Variants in TSC1 observed in about 807,000 individuals in gnomAD.
TSC1 encodes TSC complex subunit 1.
In TSC1, 20 loss-of-function variants were observed where a neutral mutation model predicts 124.3. The observed-to-expected ratio is 0.16, with a 90% CI of 0.11 to 0.23. The LOEUF (loss-of-function observed/expected upper bound fraction) is 0.23, where lower values mean the gene tolerates loss of function less well. Ranked by LOEUF, TSC1 falls within the 10% of genes least tolerant of loss-of-function variation. TSC1 has a pLI of 1.00. For missense variants in TSC1, 1,124 were observed against 1,448.5 expected (o/e 0.78, Z 3.64); for synonymous variants, 493 against 539.1 (o/e 0.91, Z 1.19).
Position 132,928,916 on chromosome 9 carries a change from C to T in TSC1, c.-44G>A, listed in dbSNP as rs773447503. 33 of 1,612,184 alleles carry T rather than the reference C, an allele frequency of 2.0e-5. No homozygotes were observed. The highest frequency in any genetic ancestry group is 4.4e-5 in the South Asian group (4 of 90,952). ...TGTGCTGGCTCCAGGACGTGTGCTACAGGTTCTGAAGGTTCTTCATTGGGG... is the reference window on the plus strand; with the variant it reads ...TGTGCTGGCTCCAGGACGTGTGCTATAGGTTCTGAAGGTTCTTCATTGGGG... On this transcript the variant is annotated 5_prime_UTR_variant, in exon 3 of 23. Transcript: ENST00000298552.
Position 132,923,625 on chromosome 9 carries a change from T to C in TSC1, c.364-133A>G. 1 of 1,263,090 alleles carries C rather than the reference T, an allele frequency of 7.9e-7. No homozygotes were observed. Among genetic ancestry groups the C allele is most frequent in the Non-Finnish European group, 1.1e-6 (1 of 883,730 alleles). The allele number at this position is 1,263,090 out of a possible 1,614,324, so 78.2% of individuals were successfully genotyped here. A position where few individuals can be genotyped will look rare whatever the true frequency, so the allele number is the denominator to read the frequency against. ...AAGTTGACTCACGTACTCATTTCCC[T>C]ATCCCTAAGGATTACTGAAGGGATA... On this transcript the variant is annotated intron_variant, in intron 5 of 22. Coordinates refer to ENST00000298552, the MANE Select transcript of TSC1 (RefSeq NM_000368.5). The surrounding 1 kb of genome is among the most constrained non-coding windows in gnomAD (Gnocchi z 4.2).
Position 132,900,731 on chromosome 9 carries a change from T to G in TSC1, c.2609A>C (p.His870Pro). Residue 870 changes from histidine (H) to proline (P), a missense_variant, in exon 20 of 23, where the codon CAC becomes CCC. Physicochemically the swap from His to Pro is moderately conservative, Grantham distance 77 (BLOSUM62 -2). Coordinates refer to ENST00000298552, the MANE Select transcript of TSC1 (RefSeq NM_000368.5). ...ELYLEQLQNKHSDTTKEVEMM... is the reference protein window; with the variant it reads ...ELYLEQLQNKPSDTTKEVEMM... ...CTGGCATACCTTTGTGGTATCTGAGTGCTTGTTCTGCAGTTGTTCCAAATA... is the reference window on the plus strand; with the variant it reads ...CTGGCATACCTTTGTGGTATCTGAGGGCTTGTTCTGCAGTTGTTCCAAATA... 1 of 1,614,134 alleles carries G rather than the reference T, an allele frequency of 6.2e-7. No individual in the cohort carries two copies. Among genetic ancestry groups the G allele is most frequent in the South Asian group, 1.1e-5 (1 of 91,080 alleles).
At chr9:132,937,921 G>A (rs756483264) in intron 1 of TSC1, among the ~76,000 whole-genome samples, 4 of 152,068 alleles carry the variant, frequency 2.6e-5, no homozygotes, top group Admixed American at 1.3e-4. Flanking sequence ...TCCCTAAGTC[G>A]CCCAGGCTGG....
chr9:132,938,764 A>G (rs897703290), intron 1 of TSC1, among the ~76,000 whole-genome samples: 6 of 152,190 alleles, frequency 3.9e-5, no homozygotes, highest in Non-Finnish European at 7.3e-5. Context: ...TTTTGAAAAT[A>G]CTAGTGGCAG....
At chr9:132,919,270 CAGGGATGAACTGGATT>C (rs1464948438) in intron 8 of TSC1, among the ~76,000 whole-genome samples, 2 of 152,134 alleles carry the variant, frequency 1.3e-5, no homozygotes, top group Non-Finnish European at 2.9e-5. Context: ...TTATGTGGTG[CAGGGATGAACTGGATT>C]TCTAGAAGGA....
rs758286878 is a variant in TSC1 at position 132,896,304 on chromosome 9, G to A, written c.3426C>T (p.Pro1142=). The A allele has an allele frequency of 5.6e-6, 9 of 1,614,212 alleles. No individual in the cohort carries two copies. In the Middle Eastern group the frequency reaches 6.6e-4, roughly 118 times the overall value. ...PLNLDGPHPS[P]PTPDSVGQLH... Reference sequence around the variant, plus strand: ...GCTGTCCAACACTGTCCGGGGTCGGGGGAGACGGGTGAGGGCCATCTAGGT... The same window carrying A: ...GCTGTCCAACACTGTCCGGGGTCGGAGGAGACGGGTGAGGGCCATCTAGGT... The change falls in exon 23 of 23, where the codon CCC becomes CCT. Residue 1142 remains proline (P), a synonymous_variant. Coordinates refer to ENST00000298552, the MANE Select transcript of TSC1 (RefSeq NM_000368.5). This position sits in a 1 kb window ranked among gnomAD's most constrained non-coding sequence, Gnocchi z 4.5.
Position 132,911,030 on chromosome 9 carries a change from G to T in TSC1, c.1113C>A (p.His371Gln), listed in dbSNP as rs771217333. Residue 371 changes from histidine to glutamine, a missense_variant, in exon 11 of 23, where the codon CAC becomes CAA. This residue lies in a region of TSC1 where 463 missense variants were observed against 606.8 expected (regional missense o/e 0.76). Coordinates refer to ENST00000298552, the MANE Select transcript of TSC1 (RefSeq NM_000368.5). The stretch of plus-strand genomic sequence containing the variant: ...TTGTACCAAAGACTTTACTGTAAGG[G>T]TGTGACAGATCAGGTGGGACATTTC... ...SPGNVPPDLSHPYSKVFGTTA... is the reference protein window; with the variant it reads ...SPGNVPPDLSQPYSKVFGTTA... 6.8e-6 allele frequency: 11 copies of T among 1,614,142 alleles called. No individual in the cohort carries two copies. Among genetic ancestry groups the T allele is most frequent in the Non-Finnish European group, 9.3e-6 (11 of 1,180,004 alleles).
At chr9:132,922,100 C>CA in intron 6 of TSC1, 127 bp from the exon 7 acceptor site, 3 of 1,142,370 alleles carry the variant, frequency 2.6e-6, no homozygotes, top group Non-Finnish European at 3.9e-6. Context: ...ACTCCAAAGA[C>CA]AGGAAGAGTG....
At position 132,897,597 on chromosome 9, in the gene TSC1, A is replaced by G. The variant is rs1845154041; in HGVS notation, c.2639T>C (p.Met880Thr). Residue 880 changes from methionine to threonine, a missense_variant, in exon 21 of 23, where the codon ATG becomes ACG. By Grantham distance (81) the Met-to-Thr change is moderately conservative. Coordinates refer to ENST00000298552, the MANE Select transcript of TSC1 (RefSeq NM_000368.5). ...TAGCTCTTTCCGATAGGCGGCTTTC[A>G]TCATTTCTACTTCCTGAAAAAAAAA... ...HSDTTKEVEM[M>T]KAAYRKELEK... is the part of the protein sequence containing the mutation. The G allele has an allele frequency of 6.4e-7, 1 of 1,568,444 alleles. No individual in the cohort carries two copies. The highest frequency in any genetic ancestry group is 8.6e-7 in the Non-Finnish European group (1 of 1,163,734).
At position 132,892,417 on chromosome 9, in the gene TSC1, T is replaced by C. The variant is rs986646622; in HGVS notation, c.*3818A>G. 11 of 233,236 alleles carry C rather than the reference T, an allele frequency of 4.7e-5. No individual in the cohort carries two copies. The highest frequency in any genetic ancestry group is 9.3e-5 in the Non-Finnish European group (11 of 118,106). The allele number at this position is 233,236 out of a possible 1,614,324, so 14.4% of individuals were successfully genotyped here. ...CTTGTTGCGGGTCGGTTTTAAAGCA[T>C]GTACCCTGGAGAGTGAAGGTGCAGC... On this transcript the variant is annotated 3_prime_UTR_variant, in exon 23 of 23. Coordinates refer to ENST00000298552, the MANE Select transcript of TSC1 (RefSeq NM_000368.5).
intron 19 of TSC1, among the ~76,000 whole-genome samples, 163 bp downstream of exon 19, chr9:132,901,426 C>G (rs1417352113): frequency 6.6e-6 from 1 of 152,196 alleles, no homozygotes; most frequent in Non-Finnish European, 1.5e-5. Flanking sequence ...TAAAATGTCT[C>G]CAGACATTGC....
upstream of TSC1, chr9:132,944,619 C>T: frequency 2.5e-6 from 1 of 398,986 alleles, no homozygotes. Context: ...GGACGTACAG[C>T]ACCTCCCCCG....
rs1409039377 is a variant in TSC1 at position 132,934,805 on chromosome 9, C to T, written c.-81+228G>A. ...CTGTAAAATGGGGAAACACCAAAAG[C>T]GTGGCTGTGAAGAAGAAAGTAACGC... is the stretch of plus-strand genomic sequence containing the variant. On this transcript the variant is annotated intron_variant, in intron 2 of 22. Transcript: ENST00000298552. 3.3e-5 allele frequency among the ~76,000 whole-genome samples: 5 copies of T among 152,192 alleles called. No homozygotes were observed. In the East Asian group the frequency reaches 7.7e-4, roughly 23 times the overall value.
chr9:132,939,899 T>A (rs1218391155), intron 1 of TSC1, among the ~76,000 whole-genome samples: 4 of 152,168 alleles, frequency 2.6e-5, no homozygotes, highest in African/African-American at 9.7e-5. Context: ...CGGAATTGGA[T>A]ACTTTGGGGG....
intron 11 of TSC1, 138 bp from the exon 12 acceptor site, chr9:132,910,830 CTTTT>C (rs1162232890): frequency 2.8e-6 from 4 of 1,427,192 alleles, no homozygotes; most frequent in Non-Finnish European, 3.9e-6. Flanking sequence ...CAGTCTCTCT[CTTTT>C]TTGTTTTTAG....
At chr9:132,899,706 C>T (rs541045667) in intron 20 of TSC1, 3 of 152,294 alleles carry the variant, frequency 2.0e-5, no homozygotes, top group African/African-American at 4.8e-5. Flanking sequence ...CTGCATCACC[C>T]GTTTTATGAA....
At position 132,902,525 on chromosome 9, in the gene TSC1, C is replaced by T; in HGVS notation, c.2391+80G>A. The T allele has an allele frequency of 6.5e-7, 1 of 1,542,088 alleles. No homozygotes were observed. The highest frequency in any genetic ancestry group is 1.1e-5 in the South Asian group (1 of 89,358). On this transcript the variant is annotated intron_variant, in intron 18 of 22. Transcript: ENST00000298552. This position sits in a 1 kb window ranked among gnomAD's most constrained non-coding sequence, Gnocchi z 5.2. Reference sequence around the variant, plus strand: ...AGTAAAGCTGAACAAGTCAAGGACACCCAGGGAAACTGACTGCCTCCCTCC... The same window carrying T: ...AGTAAAGCTGAACAAGTCAAGGACATCCAGGGAAACTGACTGCCTCCCTCC...
In TSC1 at chr9:132,893,790, A is replaced by G. The variant is rs1267189278; in HGVS notation, c.*2445T>C. 4.3e-6 allele frequency: 1 copy of G among 233,144 alleles called. No individual in the cohort carries two copies. The highest frequency in any genetic ancestry group is 6.0e-5 in the East Asian group (1 of 16,602). 14.4% of individuals were successfully genotyped at this position (233,144 alleles called of 1,614,324 possible). On this transcript the variant is annotated 3_prime_UTR_variant, in exon 23 of 23. Transcript: ENST00000298552. ...TGCCCTTAACGCTTATTGTACTAAT[A>G]CCTTTGCCCAGGACTGAATTGCCTC...
chr9:132,900,601 C>T, intron 20 of TSC1, 114 bp downstream of exon 20: 1 of 1,566,772 alleles, frequency 6.4e-7, no homozygotes, highest in South Asian at 1.1e-5. Context: ...GGGACTGCCG[C>T]TCCGTCTTTT....
Sources: gnomAD v4.1 joint callset for allele counts (sites outside exome capture counted in the v4.1 genomes callset) on GRCh38, gnomAD v4.1.1 for gene constraint, gnomAD v4.1.1 regional missense constraint, Gnocchi (gnomAD v3.1) non-coding constraint, MANE v1.5 for transcripts, NCBI Gene and HGNC (gene_info 2026-07-23, HGNC 2026-07-21) for gene names.